The following TAOK2 variants were observed in gnomAD, a reference collection of about 807,000 sequenced individuals.
The protein encoded by TAOK2 is TAO kinase 2, also known as serine/threonine-protein kinase TAO2.
In TAOK2, 42 loss-of-function variants were observed where a neutral mutation model predicts 122.5. The observed-to-expected ratio is 0.34, with a 90% confidence interval of 0.27 to 0.44. The LOEUF (loss-of-function observed/expected upper bound fraction) is 0.44, where lower values mean the gene tolerates loss of function less well. Ranked by LOEUF, TAOK2 falls within the 20% of genes least tolerant of loss-of-function variation. The pLI is 1.00. For synonymous variants in TAOK2, 704 were observed against 677.6 expected (o/e 1.04, Z -0.61); for missense variants, 1,264 against 1,644.9 (o/e 0.77, Z 4.01).
rs866333478 is a variant in TAOK2, at chr16:29,974,519, A to G, written c.-165A>G. On this transcript the variant is annotated 5_prime_UTR_variant, in exon 1 of 16. Transcript: ENST00000308893. ...GGGAGGCTTCCCGGGCCCGCCCCTCAGGAAGGGCGAAAGCCGAGGAAGAGG... is the reference window on the plus strand; with the variant it reads ...GGGAGGCTTCCCGGGCCCGCCCCTCGGGAAGGGCGAAAGCCGAGGAAGAGG... 2.0e-5 allele frequency: 3 copies of G among 152,584 alleles called. No homozygotes were observed. Among genetic ancestry groups the G allele is most frequent in the South Asian group, 2.1e-4 (1 of 4,820 alleles). 9.5% of individuals were successfully genotyped at this position (152,584 alleles called of 1,614,324 possible). A position where few individuals can be genotyped will look rare whatever the true frequency, so the allele number is the denominator to read the frequency against.
chr16:29,989,797 T>C, downstream of TAOK2: 1 of 1,613,550 alleles, frequency 6.2e-7, no homozygotes. Flanking sequence ...GATGCTCAGC[T>C]CACAGGCGGT....
At chr16:29,988,504 C>T (rs963598513), downstream of TAOK2, 3 of 1,187,340 alleles carry the variant, frequency 2.5e-6, no homozygotes, top group Admixed American at 7.7e-5. Flanking sequence ...CACCCCATCT[C>T]CGTTATCTCA....
At chr16:29,981,802 T>A (rs745998175) in intron 9 of TAOK2, 48 bp downstream of exon 9, 1 of 1,609,154 alleles carries the variant, frequency 6.2e-7, no homozygotes, top group Non-Finnish European at 8.5e-7. Context: ...GGCCATGGGG[T>A]ATGGATGCCT....
chr16:29,982,696 G>A, intron 10 of TAOK2, 38 bp from the exon 11 acceptor site: 4 of 1,592,972 alleles, frequency 2.5e-6, no homozygotes, highest in Non-Finnish European at 3.4e-6. Flanking sequence ...TGGGGGGAAG[G>A]GGAGTTGGCA....
At chr16:29,990,683 C>T (rs1337339162), downstream of TAOK2, 6 of 1,186,888 alleles carry the variant, frequency 5.1e-6, no homozygotes, top group Admixed American at 5.1e-5. Flanking sequence ...ATGTTGAGAC[C>T]GCTGCTTCTT....
intron 10 of TAOK2, among the ~76,000 whole-genome samples, chr16:29,982,213 C>G (rs2069640221): frequency 6.6e-6 from 1 of 152,204 alleles, no homozygotes; most frequent in Non-Finnish European, 1.5e-5. Flanking sequence ...CATGTGATAA[C>G]CAGGGTTGCC....
downstream of TAOK2, chr16:29,991,348 G>A: frequency 6.3e-7 from 1 of 1,596,746 alleles, no homozygotes; most frequent in Non-Finnish European, 8.5e-7. This position sits in a 1 kb window ranked among gnomAD's most constrained non-coding sequence, Gnocchi z 5.6. Flanking sequence ...GCTCCCCCAG[G>A]CCCCCCAAAC....
At position 29,985,639 on chromosome 16, in the gene TAOK2, T is replaced by C. The variant is rs756316957; in HGVS notation, c.1789-19T>C. The C allele has an allele frequency of 6.2e-7, 1 of 1,610,566 alleles. No homozygotes were observed. The highest frequency in any genetic ancestry group is 2.2e-5 in the East Asian group (1 of 44,774). ...GAGCCAGGTGGGTCCTGACCCTGCT[T>C]CCCTCTGCACTCGCCCAGGAGCTCC... On this transcript the variant is annotated intron_variant, in intron 14 of 15. Coordinates refer to ENST00000308893, the MANE Select transcript of TAOK2 (RefSeq NM_016151.4). The surrounding 1 kb of genome is among the most constrained non-coding windows in gnomAD (Gnocchi z 6.9).
Position 29,979,522 on chromosome 16 carries a change from C to T in TAOK2, c.655+14C>T. The T allele has an allele frequency of 6.7e-7, 1 of 1,503,284 alleles. No homozygotes were observed. The highest frequency in any genetic ancestry group is 8.9e-7 in the Non-Finnish European group (1 of 1,123,740). 93.1% of individuals were successfully genotyped at this position (1,503,284 alleles called of 1,614,324 possible). A position where few individuals can be genotyped will look rare whatever the true frequency, so the allele number is the denominator to read the frequency against. ...GCATCGAGCTGGGTAAGAACATCCT[C>T]CCTGTTCCCTCATCATCTTTTCCAT... On this transcript the variant is annotated intron_variant, in intron 8 of 15. Coordinates refer to ENST00000308893, the MANE Select transcript of TAOK2 (RefSeq NM_016151.4). The surrounding 1 kb of genome is among the most constrained non-coding windows in gnomAD (Gnocchi z 4.1).
downstream of TAOK2, chr16:29,992,107 T>G (rs576355841): frequency 1.3e-5 from 2 of 150,592 alleles, no homozygotes; most frequent in African/African-American, 2.4e-5. Context: ...TTTTTTTTTT[T>G]AATTGGGATC....
At position 29,981,734 on chromosome 16, in the gene TAOK2, C is replaced by A. The variant is rs559365140; in HGVS notation, c.729C>A (p.Pro243=). 1 of 1,614,174 alleles carries A rather than the reference C, an allele frequency of 6.2e-7. No individual in the cohort carries two copies. Among genetic ancestry groups the A allele is most frequent in the Non-Finnish European group, 8.5e-7 (1 of 1,180,016 alleles). ...ALYHIAQNES[P]VLQSGHWSEY... ...ACCACATTGCACAGAACGAATCCCC[C>A]GTGCTCCAGTCAGGACACTGGTGAG... Residue 243 remains proline, a synonymous_variant, in exon 9 of 16, where the codon CCC becomes CCA. Coordinates refer to ENST00000308893, the MANE Select transcript of TAOK2 (RefSeq NM_016151.4).
chr16:29,986,369 G>A lies in TAOK2; in HGVS notation c.2097G>A (p.Gln699=). 1 of 1,605,766 alleles carries A rather than the reference G, an allele frequency of 6.2e-7. No individual in the cohort carries two copies. Among genetic ancestry groups the A allele is most frequent in the Non-Finnish European group, 8.5e-7 (1 of 1,175,486 alleles). Reference sequence around the variant, plus strand: ...AGCTGCGGCAGCTCCAGGCCGTGCAGCGCACGCGGGCTGAGCTCACCCGCC... The same window carrying A: ...AGCTGCGGCAGCTCCAGGCCGTGCAACGCACGCGGGCTGAGCTCACCCGCC... The part of the protein sequence containing the change: ...ELELRQLQAV[Q]RTRAELTRLQ... The change falls in exon 16 of 16, where the codon CAG becomes CAA. Residue 699 remains glutamine, a synonymous_variant. Coordinates refer to ENST00000308893, the MANE Select transcript of TAOK2 (RefSeq NM_016151.4). The surrounding 1 kb of genome is among the most constrained non-coding windows in gnomAD (Gnocchi z 4.2).
downstream of TAOK2, chr16:29,989,476 TCTC>T (rs1010261156): frequency 7.3e-5 from 111 of 1,526,782 alleles, no homozygotes; most frequent in Non-Finnish European, 9.0e-5. Flanking sequence ...TTCTGTCTCC[TCTC>T]CTCTTCTCTC....
In TAOK2 at chr16:29,983,254, T is replaced by C. The variant is rs761990393; in HGVS notation, c.1182T>C (p.Pro394=). 30 of 1,609,632 alleles carry C rather than the reference T, an allele frequency of 1.9e-5. No individual in the cohort carries two copies. Among genetic ancestry groups the C allele is most frequent in the Admixed American group, 5.0e-5 (3 of 60,024 alleles). The change falls in exon 12 of 16, where the codon CCT becomes CCC. Residue 394 remains proline, a synonymous_variant. Coordinates refer to ENST00000308893, the MANE Select transcript of TAOK2 (RefSeq NM_016151.4). ...AAGAGGAGGAGGAGGAAGAAGGCCC[T>C]GAAGCCCGGGAGATGGCCATGATGC... ...EEEEEEEEEG[P]EAREMAMMQE... is the part of the protein sequence containing the mutation.
chr16:29,989,719 C>T (rs777755926), downstream of TAOK2: 15 of 1,614,024 alleles, frequency 9.3e-6, no homozygotes, highest in Admixed American at 1.2e-4. Flanking sequence ...CCTCCTTAAG[C>T]GGCTCAAGGA....
chr16:29,976,129 G>A (rs974819430), intron 1 of TAOK2, among the ~76,000 whole-genome samples: 2 of 152,194 alleles, frequency 1.3e-5, no homozygotes, highest in Non-Finnish European at 2.9e-5. Flanking sequence ...GCACCCCTCC[G>A]TGTGGCCTAG....
At chr16:29,989,419 CCT>C (rs2069911725), downstream of TAOK2, 7 of 985,014 alleles carry the variant, frequency 7.1e-6, no homozygotes, top group Non-Finnish European at 8.4e-6. Flanking sequence ...CCCCCCACCC[CCT>C]CTGTCTAACA....
Position 29,979,084 on chromosome 16 carries a change from C to T in TAOK2, c.449+14C>T, listed in dbSNP as rs200517921. 2.8e-5 allele frequency: 45 copies of T among 1,614,032 alleles called. No homozygotes were observed. The highest frequency in any genetic ancestry group is 2.1e-4 in the African/African-American group (16 of 75,030). On this transcript the variant is annotated intron_variant, in intron 6 of 15. Coordinates refer to ENST00000308893, the MANE Select transcript of TAOK2 (RefSeq NM_016151.4). This position sits in a 1 kb window ranked among gnomAD's most constrained non-coding sequence, Gnocchi z 4.1. ...CATGATCCATAGGTACAAGCAGCAC[C>T]GGCAGTGCCTGGGAGGGGAGTGCTA... is the stretch of plus-strand genomic sequence containing the variant.
rs1386217117 is a variant in TAOK2, at chr16:29,978,278, G to A, written c.231G>A (p.Val77=). The change falls in exon 4 of 16, where the codon GTG becomes GTA. Residue 77 remains valine (V), a synonymous_variant. Coordinates refer to ENST00000308893, the MANE Select transcript of TAOK2 (RefSeq NM_016151.4). The part of the protein sequence containing the change: ...NEKWQDIIKE[V]RFLQKLRHPN... ...AATGGCAAGACATCATCAAGGAGGT[G>A]CGGTTCTTACAGAAGCTCCGGCATC... 6.2e-7 allele frequency: 1 copy of A among 1,614,108 alleles called. No homozygotes were observed. The highest frequency in any genetic ancestry group is 1.1e-5 in the South Asian group (1 of 91,064).
Sources: gnomAD v4.1 joint callset for allele counts (sites outside exome capture counted in the v4.1 genomes callset) on GRCh38, gnomAD v4.1.1 for gene constraint, Gnocchi (gnomAD v3.1) non-coding constraint, MANE v1.5 for transcripts, NCBI Gene and HGNC (gene_info 2026-07-23, HGNC 2026-07-21) for gene names.